Variants in CDYL2 observed in about 807,000 individuals in gnomAD.
CDYL2 encodes chromodomain Y like 2, also known as chromodomain Y-like protein 2.
A neutral mutation model predicts 49.4 loss-of-function variants in CDYL2; 23 were observed. The ratio of observed to expected loss-of-function variants is 0.47; its 90% CI spans 0.34 to 0.66. The LOEUF (loss-of-function observed/expected upper bound fraction) is 0.66. CDYL2 is among the 30% of genes least tolerant of loss of function. The probability of loss-of-function intolerance (pLI) is 0.01; values close to 1 mark genes in which losing one functional copy is unlikely to be tolerated. For missense variants in CDYL2, 678 were observed against 656.4 expected (o/e 1.03, Z -0.36); for synonymous variants, 360 against 268.8 (o/e 1.34, Z -3.32).
intron 3 of CDYL2, among the ~76,000 whole-genome samples, chr16:80,622,519 C>T (rs766639266): frequency 6.6e-6 from 1 of 152,082 alleles, no homozygotes; most frequent in Non-Finnish European, 1.5e-5. Context: ...CACACTTGCT[C>T]AACTGTTATT....
chr16:80,605,088 A>G (rs1455042219), intron 6 of CDYL2, among the ~76,000 whole-genome samples: 2 of 152,120 alleles, frequency 1.3e-5, no homozygotes, highest in Non-Finnish European at 2.9e-5. Context: ...GTAAAGAGTA[A>G]AAATCATAGG....
intron 1 of CDYL2, among the ~76,000 whole-genome samples, chr16:80,762,518 T>C (rs1341385261): frequency 2.0e-5 from 3 of 152,154 alleles, no homozygotes; most frequent in Non-Finnish European, 2.9e-5. Flanking sequence ...ATCAAGTCAT[T>C]TCAGGCCAAA....
At chr16:80,747,358 T>C (rs1174094559) in intron 1 of CDYL2, among the ~76,000 whole-genome samples, 2 of 152,058 alleles carry the variant, frequency 1.3e-5, no homozygotes, top group South Asian at 2.1e-4. Flanking sequence ...AGCCTCAGAA[T>C]TCTCATTATT....
intron 1 of CDYL2, among the ~76,000 whole-genome samples, chr16:80,765,580 G>A (rs1906691464): frequency 6.6e-6 from 1 of 151,862 alleles, no homozygotes; most frequent in African/African-American, 2.4e-5. Context: ...TAAGAGAAAT[G>A]AAAGCCGATC....
At chr16:80,784,754 A>G (rs1174930457) in intron 1 of CDYL2, among the ~76,000 whole-genome samples, 1 of 152,210 alleles carries the variant, frequency 6.6e-6, no homozygotes. Context: ...CATAGTCCTT[A>G]AATAGCACAG....
intron 1 of CDYL2, among the ~76,000 whole-genome samples, chr16:80,693,546 C>T (rs1158399089): frequency 1.3e-5 from 2 of 152,224 alleles, no homozygotes; most frequent in African/African-American, 2.4e-5. Flanking sequence ...TATTCTTCAA[C>T]AAGAAAACAG....
intron 1 of CDYL2, among the ~76,000 whole-genome samples, chr16:80,800,943 G>A (rs1284343793): frequency 6.6e-6 from 1 of 152,206 alleles, no homozygotes; most frequent in Non-Finnish European, 1.5e-5. Flanking sequence ...GATTTAAGAA[G>A]AATGGGTGCC....
intron 2 of CDYL2, chr16:80,670,919 C>T (rs561648487): frequency 6.6e-5 from 30 of 456,016 alleles, no homozygotes; most frequent in Admixed American, 2.3e-4. Context: ...TACACAGGGG[C>T]TTGCCTCACC....
intron 2 of CDYL2, among the ~76,000 whole-genome samples, chr16:80,634,160 G>A (rs1471147705): frequency 2.6e-5 from 4 of 151,712 alleles, no homozygotes; most frequent in African/African-American, 9.7e-5. Context: ...CATCACTATT[G>A]ATCTTATAAA....
intron 2 of CDYL2, among the ~76,000 whole-genome samples, chr16:80,640,850 G>C (rs771096458): frequency 6.6e-6 from 1 of 152,128 alleles, no homozygotes; most frequent in Non-Finnish European, 1.5e-5. Flanking sequence ...TTGAACAAGC[G>C]TAAGAAAGAA....
At chr16:80,713,701 T>C (rs996596112) in intron 1 of CDYL2, among the ~76,000 whole-genome samples, 1 of 152,182 alleles carries the variant, frequency 6.6e-6, no homozygotes, top group Non-Finnish European at 1.5e-5. Flanking sequence ...CCCCTTGAAC[T>C]GGGTGTACAT....
At chr16:80,634,245 C>G (rs1459971974) in intron 2 of CDYL2, among the ~76,000 whole-genome samples, 1 of 152,104 alleles carries the variant, frequency 6.6e-6, no homozygotes, top group Non-Finnish European at 1.5e-5. Flanking sequence ...TGGAAAGAAC[C>G]CAAATGTCCA....
At chr16:80,613,222 G>A (rs1906681314) in intron 4 of CDYL2, among the ~76,000 whole-genome samples, 4 of 152,056 alleles carry the variant, frequency 2.6e-5, no homozygotes, top group Non-Finnish European at 4.4e-5. Context: ...CAGAACCACA[G>A]GGAAGGTGTA....
At position 80,600,658 on chromosome 16, in the gene CDYL2, T is replaced by C. The variant is rs957540505; in HGVS notation, c.*3730A>G. 3.3e-5 allele frequency: 5 copies of C among 152,188 alleles called. No individual in the cohort carries two copies. Among genetic ancestry groups the C allele is most frequent in the African/African-American group, 9.6e-5 (4 of 41,460 alleles). The allele number at this position is 152,188 out of a possible 1,614,324, so 9.4% of individuals were successfully genotyped here. A position where few individuals can be genotyped will look rare whatever the true frequency, so the allele number is the denominator to read the frequency against. ...TGTCTGAATACAGAAAAACAGAAGA[T>C]AAGCAATTCTGCATTTTAAATATTC... is the stretch of plus-strand genomic sequence containing the variant. On this transcript the variant is annotated 3_prime_UTR_variant, in exon 7 of 7. Transcript: ENST00000570137.
At chr16:80,647,179 C>G (rs1021909042) in intron 2 of CDYL2, among the ~76,000 whole-genome samples, 9 of 152,032 alleles carry the variant, frequency 5.9e-5, no homozygotes, top group Admixed American at 2.6e-4. Flanking sequence ...ACAATAAAAA[C>G]TATAAAATAC....
chr16:80,727,187 G>A lies in CDYL2; in HGVS notation c.25-42058C>T, dbSNP rs143669811. Among the ~76,000 whole-genome samples the A allele has an allele frequency of 6.4e-3, 975 of 152,346 alleles. 7 individuals carry two copies. The highest frequency in any genetic ancestry group is 0.011 in the Non-Finnish European group (767 of 68,026). On this transcript the variant is annotated intron_variant, in intron 1 of 6. Coordinates refer to ENST00000570137, the MANE Select transcript of CDYL2 (RefSeq NM_152342.4). ...TTTCTGCATTTCCATCTGAGGTACC[G>A]GGTTCATCTCACTAGGGAGTGCCAG...
At chr16:80,625,147 A>C (rs1301776577) in intron 3 of CDYL2, among the ~76,000 whole-genome samples, 1 of 152,248 alleles carries the variant, frequency 6.6e-6, no homozygotes, top group African/African-American at 2.4e-5. Context: ...ATAGTCCCTT[A>C]GGTCAGATGT....
chr16:80,774,204 A>G (rs1907004198), intron 1 of CDYL2, among the ~76,000 whole-genome samples: 1 of 152,196 alleles, frequency 6.6e-6, no homozygotes, highest in Admixed American at 6.5e-5. Context: ...CACATAAACA[A>G]TGGAATACTA....
At position 80,623,031 on chromosome 16, in the gene CDYL2, G is replaced by C. The variant is rs1247278145; in HGVS notation, c.835-2096C>G. Reference sequence around the variant, plus strand: ...AAGCAACATGTCAGGAAGTGGCAGAGCCTGCACTAACAGACTGGCCAGCTC... The same window carrying C: ...AAGCAACATGTCAGGAAGTGGCAGACCCTGCACTAACAGACTGGCCAGCTC... On this transcript the variant is annotated intron_variant, in intron 3 of 6. Coordinates refer to ENST00000570137, the MANE Select transcript of CDYL2 (RefSeq NM_152342.4). Among the ~76,000 whole-genome samples, 14 of 152,326 alleles carry C rather than the reference G, an allele frequency of 9.2e-5. No individual in the cohort carries two copies. The East Asian group carries it at 2.5e-3, about 27-fold the overall frequency.
Sources: gnomAD v4.1 joint callset for allele counts (sites outside exome capture counted in the v4.1 genomes callset) on GRCh38, gnomAD v4.1.1 for gene constraint, MANE v1.5 for transcripts, NCBI Gene and HGNC (gene_info 2026-07-23, HGNC 2026-07-21) for gene names.